Variants in ARID2 observed in about 807,000 individuals in gnomAD.
ARID2 encodes the protein AT-rich interaction domain 2.
ARID2 carries 32 observed loss-of-function variants against 184.6 expected under a neutral mutation model. That is an observed-to-expected ratio of 0.17 (90% CI 0.13 to 0.23). The LOEUF is 0.23. Ranked by LOEUF, ARID2 falls within the 10% of genes least tolerant of loss-of-function variation. ARID2 has a pLI of 1.00. For synonymous variants in ARID2, 836 were observed against 772.6 expected (o/e 1.08, Z -1.36); for missense variants, 1,696 against 2,197.6 (o/e 0.77, Z 4.56).
At chr12:45,764,177 T>C (rs1290886117) in intron 3 of ARID2, among the ~76,000 whole-genome samples, 1 of 152,186 alleles carries the variant, frequency 6.6e-6, no homozygotes, top group African/African-American at 2.4e-5. Flanking sequence ...TTAACCTTTA[T>C]TTTTTATTAC....
intron 3 of ARID2, among the ~76,000 whole-genome samples, chr12:45,788,079 T>C (rs1269641736): frequency 1.3e-5 from 2 of 152,202 alleles, no homozygotes; most frequent in Admixed American, 1.3e-4. Flanking sequence ...ACAAATGCAT[T>C]ACCTCACATA....
chr12:45,791,589 G>GTTGA (rs1362498389), intron 3 of ARID2, among the ~76,000 whole-genome samples: 7 of 152,014 alleles, frequency 4.6e-5, no homozygotes, highest in Non-Finnish European at 5.9e-5. Flanking sequence ...ATGTAAGATT[G>GTTGA]TTGATTGATT....
At chr12:45,776,740 A>G (rs1941988967) in intron 3 of ARID2, among the ~76,000 whole-genome samples, 1 of 150,310 alleles carries the variant, frequency 6.7e-6, no homozygotes, top group Admixed American at 6.6e-5. Context: ...GTTTGAGCCC[A>G]GGAGTTCGAG....
intron 4 of ARID2, among the ~76,000 whole-genome samples, chr12:45,812,054 T>C (rs1434805647): frequency 1.3e-5 from 2 of 151,894 alleles, no homozygotes; most frequent in African/African-American, 4.8e-5. Context: ...AAAAATCAAG[T>C]TGGAAAAAAA....
intron 5 of ARID2, among the ~76,000 whole-genome samples, chr12:45,818,377 C>T (rs1014903044): frequency 6.6e-6 from 1 of 152,076 alleles, no homozygotes; most frequent in African/African-American, 2.4e-5. Context: ...TTCTTCATCT[C>T]TTCTGAAATT....
At chr12:45,860,974 A>G in intron 16 of ARID2, 25 bp downstream of exon 16, 1 of 1,501,980 alleles carries the variant, frequency 6.7e-7, no homozygotes, top group African/African-American at 1.4e-5. Context: ...TATTTGATAT[A>G]TAAAAGTATT....
chr12:45,796,758 C>A (rs1003743676), intron 3 of ARID2, among the ~76,000 whole-genome samples: 5 of 152,130 alleles, frequency 3.3e-5, no homozygotes, highest in African/African-American at 1.2e-4. Flanking sequence ...AGTGATCTGC[C>A]CACCTTGGCC....
At chr12:45,878,377 A>G (rs1174589757) in intron 16 of ARID2, among the ~76,000 whole-genome samples, 1 of 152,076 alleles carries the variant, frequency 6.6e-6, no homozygotes, top group East Asian at 1.9e-4. Flanking sequence ...AGCTTTTGTT[A>G]TCACCCCACA....
chr12:45,772,977 C>T (rs752940680), intron 3 of ARID2, among the ~76,000 whole-genome samples: 4 of 151,994 alleles, frequency 2.6e-5, no homozygotes, highest in Non-Finnish European at 2.9e-5. Flanking sequence ...GTAGTGCAAA[C>T]GGAATATTCT....
At chr12:45,757,844 A>G (rs917297102) in intron 3 of ARID2, among the ~76,000 whole-genome samples, 3 of 152,196 alleles carry the variant, frequency 2.0e-5, no homozygotes, top group Non-Finnish European at 4.4e-5. Flanking sequence ...TTTCAATTAG[A>G]TCTGTAAGTT....
Position 45,850,492 on chromosome 12 carries a change from C to T in ARID2, c.2369C>T (p.Thr790Ile), listed in dbSNP as rs758654990. 1 of 1,614,012 alleles carries T rather than the reference C, an allele frequency of 6.2e-7. No individual in the cohort carries two copies. Among genetic ancestry groups the T allele is most frequent in the Non-Finnish European group, 8.5e-7 (1 of 1,179,966 alleles). ...CAGATCCCTTCAGGCACTCCTGTTA[C>T]AGTAATTCAACAAGCTGTCCCACAG... ...PGQIPSGTPV[T>I]VIQQAVPQSH... Residue 790 changes from threonine (T) to isoleucine (I), a missense_variant, in exon 15 of 21, where the codon ACA (threonine) becomes ATA (isoleucine). Physicochemically the swap from Thr to Ile is moderately conservative, Grantham distance 89 (BLOSUM62 -1). Transcript: ENST00000334344.
At chr12:45,773,022 C>G (rs1941906960) in intron 3 of ARID2, among the ~76,000 whole-genome samples, 1 of 152,004 alleles carries the variant, frequency 6.6e-6, no homozygotes, top group South Asian at 2.1e-4. Context: ...GTAAAAGAAA[C>G]CTTATTACAT....
intron 20 of ARID2, among the ~76,000 whole-genome samples, chr12:45,899,417 A>C (rs1030611663): frequency 2.0e-4 from 30 of 149,560 alleles, no homozygotes; most frequent in Admixed American, 1.9e-3. Flanking sequence ...ATCCTGGCTA[A>C]CACAGTGAAA....
At chr12:45,748,261 C>T (rs551759555) in intron 3 of ARID2, among the ~76,000 whole-genome samples, 2 of 152,096 alleles carry the variant, frequency 1.3e-5, no homozygotes, top group African/African-American at 4.8e-5. Flanking sequence ...TATGATGGTG[C>T]ATATCTGTGG....
At chr12:45,731,154 A>G in intron 2 of ARID2, 63 bp from the exon 3 acceptor site, 1 of 1,205,188 alleles carries the variant, frequency 8.3e-7, no homozygotes. Context: ...TATTTATTTC[A>G]TAGTTAGGTT....
intron 16 of ARID2, chr12:45,880,835 C>T (rs1944088521): frequency 6.3e-6 from 1 of 158,288 alleles, no homozygotes; most frequent in South Asian, 1.7e-4. Flanking sequence ...TGTCCTTAAT[C>T]TTTGCAGGTG....
intron 4 of ARID2, among the ~76,000 whole-genome samples, chr12:45,813,434 G>A (rs1331596153): frequency 4.8e-5 from 7 of 145,590 alleles, no homozygotes; most frequent in Non-Finnish European, 7.5e-5. Context: ...AATAAGCTCC[G>A]TGTGTGTGTG....
intron 3 of ARID2, among the ~76,000 whole-genome samples, chr12:45,761,116 G>C (rs1255548472): frequency 6.6e-6 from 1 of 152,094 alleles, no homozygotes; most frequent in African/African-American, 2.4e-5. Context: ...TTAGAACTTA[G>C]CTCTGCCATT....
intron 3 of ARID2, among the ~76,000 whole-genome samples, chr12:45,794,401 T>C (rs910584414): frequency 1.3e-5 from 2 of 152,254 alleles, no homozygotes; most frequent in African/African-American, 4.8e-5. Flanking sequence ...ATAAATGACC[T>C]ACATTGGAAC....
Sources: allele counts gnomAD v4.1 joint callset (sites outside exome capture counted in the v4.1 genomes callset), GRCh38; gene constraint gnomAD v4.1.1; transcripts MANE v1.5; gene names NCBI Gene and HGNC (gene_info 2026-07-23, HGNC 2026-07-21).